TMTC1: variants seen among roughly 807,000 people sequenced by gnomAD.
The protein encoded by TMTC1 is transmembrane O-mannosyltransferase targeting cadherins 1.
TMTC1 carries 73 observed loss-of-function variants against 104.8 expected under a neutral mutation model. The ratio of observed to expected loss-of-function variants is 0.70; its 90% confidence interval spans 0.58 to 0.85. The LOEUF (loss-of-function observed/expected upper bound fraction) is 0.85. Ranked by LOEUF, TMTC1 falls within the 40% of genes least tolerant of loss-of-function variation. The pLI is 0.00. For synonymous variants in TMTC1, 434 were observed against 428.7 expected (o/e 1.01, Z -0.15); for missense variants, 1,035 against 1,096.1 (o/e 0.94, Z 0.79).
chr12:29,666,151 T>G (rs79437323), intron 5 of TMTC1: 16,860 of 430,454 alleles, frequency 0.039, 475 homozygotes, highest in Admixed American at 0.075. Flanking sequence ...TATAGCAAGA[T>G]GATCAATAAA....
At chr12:29,784,515 C>G (rs1287335357), upstream of TMTC1, 1 of 152,272 alleles carries the variant, frequency 6.6e-6, no homozygotes, top group South Asian at 2.1e-4. Context: ...TAGGGAGCAC[C>G]TTCCTCAAAG....
chr12:29,739,405 T>G (rs555071034), intron 5 of TMTC1, among the ~76,000 whole-genome samples: 1 of 152,364 alleles, frequency 6.6e-6, no homozygotes, highest in East Asian at 1.9e-4. Context: ...TTGTCTCATC[T>G]GTTAAGACTC....
chr12:29,560,029 C>T lies in TMTC1; in HGVS notation c.1533-3029G>A, dbSNP rs141598669. Among the ~76,000 whole-genome samples the T allele has an allele frequency of 9.0e-3, 1,371 of 152,226 alleles. 27 individuals carry two copies. The highest frequency in any genetic ancestry group is 0.031 in the African/African-American group (1,298 of 41,538). Reference sequence around the variant, plus strand: ...TGTGTTTACTTTTTAAATAAATTTGCGTTTGAATTAGCTTGGGCCTAATTC... The same window carrying T: ...TGTGTTTACTTTTTAAATAAATTTGTGTTTGAATTAGCTTGGGCCTAATTC... On this transcript the variant is annotated intron_variant, in intron 9 of 17. Coordinates refer to ENST00000539277, the MANE Select transcript of TMTC1 (RefSeq NM_001193451.2).
intron 17 of TMTC1, among the ~76,000 whole-genome samples, chr12:29,508,531 A>C (rs1054234263): frequency 6.6e-6 from 1 of 152,034 alleles, no homozygotes; most frequent in Non-Finnish European, 1.5e-5. Context: ...CTGTCCTTTC[A>C]CACAGAACGC....
At chr12:29,541,510 T>C (rs1196995306) in intron 10 of TMTC1, among the ~76,000 whole-genome samples, 1 of 152,186 alleles carries the variant, frequency 6.6e-6, no homozygotes, top group African/African-American at 2.4e-5. Context: ...TTTCTTAATT[T>C]TTAAAACCAA....
chr12:29,770,871 G>A (rs551814594), intron 1 of TMTC1, among the ~76,000 whole-genome samples: 1 of 152,002 alleles, frequency 6.6e-6, no homozygotes, highest in South Asian at 2.1e-4. Flanking sequence ...AGATAATATG[G>A]GTTCACAAAA....
chr12:29,660,971 G>A, intron 5 of TMTC1: 1 of 670,368 alleles, frequency 1.5e-6, no homozygotes, highest in Non-Finnish European at 2.1e-6. Flanking sequence ...CTGCAGCTCT[G>A]AAGAAGGCTG....
At chr12:29,532,781 G>GA (rs1944541756) in intron 11 of TMTC1, 1 of 151,970 alleles carries the variant, frequency 6.6e-6, no homozygotes, top group South Asian at 2.1e-4. Context: ...TGTTTAACTG[G>GA]AAACAATGTT....
At chr12:29,605,215 G>C (rs555180149) in intron 6 of TMTC1, among the ~76,000 whole-genome samples, 19 of 151,940 alleles carry the variant, frequency 1.3e-4, no homozygotes, top group African/African-American at 4.3e-4. Flanking sequence ...ACATTTTAAA[G>C]TCTATTATTT....
chr12:29,530,111 T>C (rs1222126100), intron 11 of TMTC1: 1 of 152,212 alleles, frequency 6.6e-6, no homozygotes, highest in African/African-American at 2.4e-5. Flanking sequence ...TCCAGGTACA[T>C]GACTTTCTTT....
intron 8 of TMTC1, among the ~76,000 whole-genome samples, chr12:29,577,739 A>C (rs1026786990): frequency 6.6e-6 from 1 of 152,156 alleles, no homozygotes; most frequent in Non-Finnish European, 1.5e-5. Context: ...CTGAAATACT[A>C]ACACTATCTT....
intron 5 of TMTC1, among the ~76,000 whole-genome samples, chr12:29,690,124 C>T (rs1476566785): frequency 6.6e-6 from 1 of 152,186 alleles, no homozygotes; most frequent in Non-Finnish European, 1.5e-5. Context: ...AAAGTAACTA[C>T]ATCACACAAA....
At chr12:29,758,963 C>T (rs1274329342) in intron 2 of TMTC1, among the ~76,000 whole-genome samples, 186 bp from the exon 3 acceptor site, 3 of 152,126 alleles carry the variant, frequency 2.0e-5, no homozygotes, top group East Asian at 1.9e-4. Flanking sequence ...TATTTAATAA[C>T]GAGTTTATGT....
At chr12:29,755,547 C>T (rs141839122) in intron 4 of TMTC1, among the ~76,000 whole-genome samples, 162 bp downstream of exon 4, 231 of 152,270 alleles carry the variant, frequency 1.5e-3, no homozygotes, top group Admixed American at 3.8e-3. Flanking sequence ...ATATATAATG[C>T]GCTTATCTTA....
chr12:29,536,379 C>G (rs1307712123), intron 10 of TMTC1, 62 bp from the exon 11 acceptor site: 48 of 1,007,912 alleles, frequency 4.8e-5, no homozygotes, highest in Non-Finnish European at 6.8e-5. Context: ...TTTCAATCCT[C>G]TGATTAGACT....
intron 5 of TMTC1, among the ~76,000 whole-genome samples, chr12:29,680,574 T>C (rs1053954350): frequency 2.6e-5 from 4 of 152,222 alleles, no homozygotes; most frequent in African/African-American, 9.6e-5. Context: ...CAATATTGCC[T>C]ATGGTAATAT....
chr12:29,580,145 G>A lies in TMTC1; in HGVS notation c.1418+3262C>T, dbSNP rs144285347. On this transcript the variant is annotated intron_variant, in intron 8 of 17. Transcript: ENST00000539277. ...CAGCCTGGGCAACACAGTAATAACT[G>A]TTCTCTACAAAACATAAAAAAATAT... Among the ~76,000 whole-genome samples, 984 of 152,028 alleles carry A rather than the reference G, an allele frequency of 6.5e-3. 7 individuals carry two copies. The highest frequency in any genetic ancestry group is 0.023 in the African/African-American group (938 of 41,488).
intron 5 of TMTC1, among the ~76,000 whole-genome samples, chr12:29,664,149 T>A (rs1399236148): frequency 1.3e-5 from 2 of 149,636 alleles, no homozygotes; most frequent in African/African-American, 4.9e-5. Flanking sequence ...ATCCCGCCAC[T>A]GCACTCCAGC....
intron 6 of TMTC1, among the ~76,000 whole-genome samples, chr12:29,628,362 C>T (rs897612551): frequency 6.6e-6 from 1 of 152,110 alleles, no homozygotes; most frequent in South Asian, 2.1e-4. Context: ...GCCAGACATA[C>T]AAGATTACAT....
Sources: allele counts gnomAD v4.1 joint callset (sites outside exome capture counted in the v4.1 genomes callset), GRCh38; gene constraint gnomAD v4.1.1; transcripts MANE v1.5; gene names NCBI Gene and HGNC (gene_info 2026-07-23, HGNC 2026-07-21).